Variants in ERBIN observed in about 807,000 individuals in gnomAD.
ERBIN encodes the protein densin-180-like protein.
In ERBIN, 60 loss-of-function variants were observed where a neutral mutation model predicts 158.4. The observed-to-expected ratio is 0.38, with a 90% CI of 0.31 to 0.47. The LOEUF is 0.47. Ranked by LOEUF, ERBIN falls within the 20% of genes least tolerant of loss-of-function variation. ERBIN has a pLI of 0.99. For missense variants in ERBIN, 1,610 were observed against 1,648.0 expected, an observed-to-expected ratio of 0.98 and a Z score of 0.40; for synonymous variants, 594 against 557.2, an observed-to-expected ratio of 1.07 and a Z score of -0.93.
chr5:65,969,933 A>G (rs1175426146), intron 1 of ERBIN, among the ~76,000 whole-genome samples: 1 of 152,124 alleles, frequency 6.6e-6, no homozygotes, highest in Non-Finnish European at 1.5e-5. Context: ...TTGTTTAGGG[A>G]ATTACTATTA....
chr5:66,018,597 A>G (rs1374764940), intron 7 of ERBIN, among the ~76,000 whole-genome samples: 1 of 84,520 alleles, frequency 1.2e-5, no homozygotes, highest in African/African-American at 4.2e-5. Context: ...TATATAATAT[A>G]TATTATATAT....
chr5:66,065,506 G>T (rs1299171287), intron 21 of ERBIN, among the ~76,000 whole-genome samples: 1 of 151,898 alleles, frequency 6.6e-6, no homozygotes, highest in African/African-American at 2.4e-5. Flanking sequence ...ACCTAGGTAA[G>T]TGGTTTTCAA....
rs139892685 is a variant in ERBIN at position 66,004,508 on chromosome 5, T to C, written c.308-7541T>C. 9.2e-5 allele frequency among the ~76,000 whole-genome samples: 14 copies of C among 152,296 alleles called. 1 individual carries two copies. The highest frequency in any genetic ancestry group is 5.9e-4 in the Admixed American group (9 of 15,300). On this transcript the variant is annotated intron_variant, in intron 4 of 25. Coordinates refer to ENST00000284037, the MANE Select transcript of ERBIN (RefSeq NM_001253697.2). ...CCACCTCCCAGGTTCAAGCAATTCT[T>C]GTACCTCAGCCTCCCAAGTAGCTGA...
chr5:65,927,286 GTATT>G (rs1242834620), intron 1 of ERBIN, among the ~76,000 whole-genome samples: 1 of 152,070 alleles, frequency 6.6e-6, no homozygotes, highest in Non-Finnish European at 1.5e-5. Flanking sequence ...GTATATAGAG[GTATT>G]TATTTTTATT....
At chr5:66,017,943 C>G (rs1754966148) in intron 7 of ERBIN, among the ~76,000 whole-genome samples, 1 of 151,994 alleles carries the variant, frequency 6.6e-6, no homozygotes, top group Middle Eastern at 3.2e-3. Flanking sequence ...AAGAAACTGT[C>G]TTTTCCCCAT....
In ERBIN at chr5:65,942,908, CAAA is replaced by C. The variant is rs56041538; in HGVS notation, c.-58+16117_-58+16119del. 2.2e-3 allele frequency among the ~76,000 whole-genome samples: 303 copies of C among 138,556 alleles called. 2 individuals carry two copies. Among genetic ancestry groups the C allele is most frequent in the Middle Eastern group, 7.6e-3 (2 of 264 alleles). The allele number at this position is 138,556 out of a possible 152,430, so 90.9% of individuals were successfully genotyped here. The stretch of plus-strand genomic sequence containing the variant: ...GGGTGACAGAGCGAGACTCCGTCTC[CAAA>C]AAAAAAAAAAAAAATAGACTTTAAG... On this transcript the variant is annotated intron_variant, in intron 1 of 25. Transcript: ENST00000284037.
At chr5:66,071,716 C>G (rs1303071764) in intron 21 of ERBIN, among the ~76,000 whole-genome samples, 2 of 148,648 alleles carry the variant, frequency 1.3e-5, no homozygotes, top group Admixed American at 6.7e-5. Context: ...GAAAGAACAG[C>G]AGTTAATTTT....
chr5:65,966,881 A>G (rs1391013409), intron 1 of ERBIN, among the ~76,000 whole-genome samples: 1 of 152,042 alleles, frequency 6.6e-6, no homozygotes, highest in Non-Finnish European at 1.5e-5. Context: ...GTATAGGCCT[A>G]GGCTAATGTG....
intron 1 of ERBIN, among the ~76,000 whole-genome samples, chr5:65,975,082 A>G (rs1749704369): frequency 6.6e-6 from 1 of 152,182 alleles, no homozygotes; most frequent in Non-Finnish European, 1.5e-5. Flanking sequence ...ATCTTGGCTC[A>G]CTGCAACCTT....
At chr5:66,065,207 A>G (rs1204253168) in intron 21 of ERBIN, among the ~76,000 whole-genome samples, 1 of 152,182 alleles carries the variant, frequency 6.6e-6, no homozygotes, top group Admixed American at 6.5e-5. Context: ...GAATGAGTGA[A>G]TTTTCCTAGG....
In ERBIN at chr5:66,023,365, G is replaced by C; in HGVS notation, c.672+1G>C. 1 of 1,602,602 alleles carries C rather than the reference G, an allele frequency of 6.2e-7. No homozygotes were observed. Among genetic ancestry groups the C allele is most frequent in the East Asian group, 2.2e-5 (1 of 44,660 alleles). On this transcript the variant is annotated splice_donor_variant, in intron 9 of 25. Transcript: ENST00000284037. LOFTEE classifies it high-confidence loss of function. ...TAATAGACTGACTTTTATTCCAGGG[G>C]TATGTATATGAGATTTTAAATGGCA...
intron 14 of ERBIN, among the ~76,000 whole-genome samples, chr5:66,034,379 T>A (rs1329840895): frequency 6.6e-6 from 1 of 151,882 alleles, no homozygotes; most frequent in Non-Finnish European, 1.5e-5. Flanking sequence ...AACCTCTGCC[T>A]CCTGGGTCCA....
At chr5:66,047,220 C>T (rs149982573) in intron 18 of ERBIN, among the ~76,000 whole-genome samples, 1 of 152,198 alleles carries the variant, frequency 6.6e-6, no homozygotes, top group Non-Finnish European at 1.5e-5. Flanking sequence ...TAAGTGGAAT[C>T]ATACAATATG....
intron 4 of ERBIN, among the ~76,000 whole-genome samples, chr5:66,006,903 A>G (rs2151090059): frequency 6.6e-6 from 1 of 150,972 alleles, no homozygotes; most frequent in East Asian, 1.9e-4. Context: ...GGTGCTGGAG[A>G]GGATGTGGAG....
intron 2 of ERBIN, among the ~76,000 whole-genome samples, chr5:65,988,983 C>CAAAAAAAAA (rs34731955): frequency 3.2e-5 from 2 of 62,904 alleles, no homozygotes; most frequent in African/African-American, 1.2e-4. Flanking sequence ...ACCCTGTTTC[C>CAAAAAAAAA]AAAAAAAAAA....
chr5:65,958,357 A>G (rs956702587), intron 1 of ERBIN, among the ~76,000 whole-genome samples: 44 of 152,240 alleles, frequency 2.9e-4, no homozygotes, highest in African/African-American at 1.0e-3. Flanking sequence ...CGAGGACTCC[A>G]TCTGCAATCC....
intron 4 of ERBIN, among the ~76,000 whole-genome samples, chr5:66,010,757 A>C (rs1754115901): frequency 6.6e-6 from 1 of 152,228 alleles, no homozygotes; most frequent in South Asian, 2.1e-4. Context: ...TTACAAACAC[A>C]GGCTATATAA....
intron 1 of ERBIN, among the ~76,000 whole-genome samples, chr5:65,963,279 C>CTG (rs1462421850): frequency 6.6e-6 from 1 of 152,112 alleles, no homozygotes; most frequent in African/African-American, 2.4e-5. Flanking sequence ...AAACTATTAA[C>CTG]TGAGTAATAT....
At chr5:65,980,398 A>G (rs1750525341) in intron 1 of ERBIN, among the ~76,000 whole-genome samples, 1 of 152,192 alleles carries the variant, frequency 6.6e-6, no homozygotes, top group Non-Finnish European at 1.5e-5. Context: ...ACTGCACTCC[A>G]GCCTGGATAA....
Sources: gnomAD v4.1 joint callset for allele counts (sites outside exome capture counted in the v4.1 genomes callset) on GRCh38, gnomAD v4.1.1 for gene constraint, MANE v1.5 for transcripts, NCBI Gene and HGNC (gene_info 2026-07-23, HGNC 2026-07-21) for gene names.